The following CASZ1 variants were observed in gnomAD, a reference collection of about 807,000 sequenced individuals.
The protein encoded by CASZ1 is castor zinc finger 1, also known as zinc finger protein castor homolog 1.
In CASZ1, 28 loss-of-function variants were observed where a neutral mutation model predicts 135.2. The observed-to-expected ratio is 0.21, with a 90% confidence interval of 0.15 to 0.28. The LOEUF is 0.28. CASZ1 is among the 10% of genes least tolerant of loss of function. CASZ1 has a pLI of 1.00. For missense variants in CASZ1, 2,161 were observed against 2,453.3 expected, an observed-to-expected ratio of 0.88 and a Z score of 2.52; for synonymous variants, 1,068 against 1,073.4, an observed-to-expected ratio of 0.99 and a Z score of 0.10.
intron 1 of CASZ1, among the ~76,000 whole-genome samples, chr1:10,761,923 T>C (rs1199062771): frequency 6.6e-6 from 1 of 152,064 alleles, no homozygotes; most frequent in Non-Finnish European, 1.5e-5. Flanking sequence ...TCCCGGCCCT[T>C]TCCTTCCCCC....
intron 1 of CASZ1, among the ~76,000 whole-genome samples, chr1:10,775,981 C>A (rs957790179): frequency 2.6e-5 from 4 of 152,188 alleles, no homozygotes; most frequent in Admixed American, 6.5e-5. Flanking sequence ...TCGTCTGGAA[C>A]CTCTGTCAGG....
intron 15 of CASZ1, chr1:10,648,372 C>T (rs1172719142): frequency 1.7e-5 from 8 of 463,356 alleles, no homozygotes; most frequent in Non-Finnish European, 2.6e-5. Context: ...TGCCTTCCTA[C>T]TTGTGCCCTT....
chr1:10,781,690 A>G (rs1202898972), intron 1 of CASZ1, among the ~76,000 whole-genome samples: 1 of 152,108 alleles, frequency 6.6e-6, no homozygotes, highest in Non-Finnish European at 1.5e-5. Context: ...TGCCTTCATG[A>G]TGACAGATGG....
intron 15 of CASZ1, 123 bp downstream of exon 15, chr1:10,648,947 G>T: frequency 4.4e-6 from 6 of 1,355,080 alleles, no homozygotes; most frequent in Admixed American, 4.4e-5. Flanking sequence ...CAGCATCTCC[G>T]AGAAGCCGGC....
chr1:10,736,528 A>G (rs992949429), intron 2 of CASZ1, among the ~76,000 whole-genome samples: 1 of 152,184 alleles, frequency 6.6e-6, no homozygotes, highest in Non-Finnish European at 1.5e-5. Context: ...CACACTTAAG[A>G]AACGCTGGCA....
intron 11 of CASZ1, 82 bp downstream of exon 11, chr1:10,653,295 G>T: frequency 7.2e-7 from 1 of 1,380,988 alleles, no homozygotes; most frequent in South Asian, 1.2e-5. Context: ...AACACCCCCC[G>T]ACTCTGCTCT....
chr1:10,752,617 G>A (rs1315246110), intron 2 of CASZ1, among the ~76,000 whole-genome samples: 1 of 152,196 alleles, frequency 6.6e-6, no homozygotes, highest in Admixed American at 6.5e-5. Context: ...TCCCCAGGGA[G>A]TGCTGGCTCT....
In CASZ1 at chr1:10,719,006, G is replaced by C. The variant is rs1037109410; in HGVS notation, c.-76-13462C>G. ...CTGCTCACTGCAACCTCTGCTTTCC[G>C]GGTTCAAGCAATTGTTGTGCCTCAG... On this transcript the variant is annotated intron_variant, in intron 2 of 20. Transcript: ENST00000377022. The surrounding 1 kb of genome is among the most constrained non-coding windows in gnomAD (Gnocchi z 4.0). 1.3e-5 allele frequency among the ~76,000 whole-genome samples: 2 copies of C among 149,338 alleles called. No homozygotes were observed. The highest frequency in any genetic ancestry group is 5.0e-5 in the African/African-American group (2 of 40,288).
At chr1:10,745,763 C>CAGGG (rs1640027746) in intron 2 of CASZ1, among the ~76,000 whole-genome samples, 1 of 152,198 alleles carries the variant, frequency 6.6e-6, no homozygotes, top group African/African-American at 2.4e-5. Flanking sequence ...TATCTCTGGC[C>CAGGG]ATAGGGCACC....
chr1:10,660,876 A>C, intron 5 of CASZ1: 1 of 291,468 alleles, frequency 3.4e-6, no homozygotes, highest in Non-Finnish European at 6.4e-6. Context: ...AAGAGAAGTC[A>C]TTTTACTGGA....
intron 2 of CASZ1, among the ~76,000 whole-genome samples, chr1:10,718,069 GAC>G (rs2100477517): frequency 6.6e-6 from 1 of 152,364 alleles, no homozygotes; most frequent in Non-Finnish European, 1.5e-5. Context: ...CTTCCCATTT[GAC>G]AGATGAGGAA....
intron 3 of CASZ1, among the ~76,000 whole-genome samples, chr1:10,696,211 T>A (rs927120140): frequency 5.8e-4 from 88 of 152,280 alleles, no homozygotes; most frequent in Middle Eastern, 3.4e-3. Context: ...CTCAGGGAGT[T>A]GGGCATCCCT....
chr1:10,770,432 A>G (rs1640554252), intron 1 of CASZ1, among the ~76,000 whole-genome samples: 1 of 152,218 alleles, frequency 6.6e-6, no homozygotes, highest in South Asian at 2.1e-4. Context: ...GCACATGAGC[A>G]TAACTTGTAA....
rs541906027 is a variant in CASZ1, at chr1:10,737,795, G to C, written c.-77+22906C>G. Among the ~76,000 whole-genome samples the C allele has an allele frequency of 2.0e-5, 3 of 152,330 alleles. No homozygotes were observed. In the South Asian group the frequency reaches 6.2e-4, roughly 32 times the overall value. On this transcript the variant is annotated intron_variant, in intron 2 of 20. Coordinates refer to ENST00000377022, the MANE Select transcript of CASZ1 (RefSeq NM_001079843.3). ...GGAGCGACAGTGGGCCGAGGTGCTC[G>C]GAGGGCTGTGGATCAGCCCGGAGGC...
At chr1:10,658,440 C>T in intron 7 of CASZ1, 68 bp downstream of exon 7, 1 of 1,354,584 alleles carries the variant, frequency 7.4e-7, no homozygotes, top group Non-Finnish European at 1.1e-6. Flanking sequence ...AACGAATGGC[C>T]TCAGAGTGCC....
Position 10,657,548 on chromosome 1 carries a change from G to A in CASZ1, c.1410-812C>T, listed in dbSNP as rs1031152554. Among the ~76,000 whole-genome samples the A allele has an allele frequency of 7.2e-5, 11 of 152,266 alleles. No individual in the cohort carries two copies. Among genetic ancestry groups the A allele is most frequent in the Non-Finnish European group, 1.3e-4 (9 of 68,010 alleles). ...TGAAGTGGCCAAAAGGGCCATCTGC[G>A]GAGGCACTAATAATAATGGTAATAA... is the stretch of plus-strand genomic sequence containing the variant. On this transcript the variant is annotated intron_variant, in intron 7 of 20. Transcript: ENST00000377022. This position sits in a 1 kb window ranked among gnomAD's most constrained non-coding sequence, Gnocchi z 5.7.
chr1:10,680,710 G>A (rs1638388076), intron 4 of CASZ1, among the ~76,000 whole-genome samples: 1 of 152,176 alleles, frequency 6.6e-6, no homozygotes, highest in African/African-American at 2.4e-5. Flanking sequence ...GCTGAGCCCA[G>A]CTGGGCCCTC....
intron 2 of CASZ1, among the ~76,000 whole-genome samples, chr1:10,705,922 G>A (rs946299559): frequency 2.0e-5 from 3 of 152,254 alleles, no homozygotes; most frequent in Admixed American, 6.5e-5. Context: ...AGCTGCAGCG[G>A]CCTAGCAGGG....
chr1:10,647,751 T>A lies in CASZ1; in HGVS notation c.3497+50A>T. On this transcript the variant is annotated intron_variant, in intron 16 of 20. Transcript: ENST00000377022. The surrounding 1 kb of genome is among the most constrained non-coding windows in gnomAD (Gnocchi z 4.9). ...TCCTAGCGCCCTTGCTAGCACCTAC[T>A]CCCGAGACGCGAGGGGAACGCGGGA... The A allele has an allele frequency of 1.2e-6, 2 of 1,608,544 alleles. No individual in the cohort carries two copies. Among genetic ancestry groups the A allele is most frequent in the Non-Finnish European group, 1.7e-6 (2 of 1,179,844 alleles).
Sources: gnomAD v4.1 joint callset for allele counts (sites outside exome capture counted in the v4.1 genomes callset) on GRCh38, gnomAD v4.1.1 for gene constraint, Gnocchi (gnomAD v3.1) non-coding constraint, MANE v1.5 for transcripts, NCBI Gene and HGNC (gene_info 2026-07-23, HGNC 2026-07-21) for gene names.